Variants in CUX1 observed in about 807,000 individuals in gnomAD.
CUX1 encodes cut like homeobox 1.
In CUX1, 31 loss-of-function variants were observed where a neutral mutation model predicts 158.8. The ratio of observed to expected loss-of-function variants is 0.20; its 90% CI spans 0.15 to 0.26. The LOEUF (loss-of-function observed/expected upper bound fraction) is 0.26. CUX1 is among the 10% of genes least tolerant of loss of function. The pLI, the probability that CUX1 is intolerant of heterozygous loss-of-function variation, is 1.00. For missense variants in CUX1, 1,589 were observed against 2,014.6 expected (o/e 0.79, Z 4.04); for synonymous variants, 879 against 862.1 (o/e 1.02, Z -0.34).
intron 21 of CUX1, among the ~76,000 whole-genome samples, chr7:102,233,807 G>C (rs1323388659): frequency 6.6e-6 from 1 of 152,046 alleles, no homozygotes; most frequent in Non-Finnish European, 1.5e-5. Context: ...TAATAATAAA[G>C]AGAAATGTCA....
intron 1 of CUX1, among the ~76,000 whole-genome samples, chr7:101,872,134 ATTTG>A (rs1165058617): frequency 2.6e-5 from 4 of 151,800 alleles, no homozygotes; most frequent in African/African-American, 9.7e-5. Flanking sequence ...TATTTTATTT[ATTTG>A]TTTATTTATT....
intron 20 of CUX1, among the ~76,000 whole-genome samples, chr7:102,220,876 A>G (rs1797732833): frequency 1.3e-5 from 2 of 151,954 alleles, no homozygotes; most frequent in African/African-American, 4.8e-5. Flanking sequence ...ACACCTGGCT[A>G]ATTTTTGTAT....
At position 102,248,026 on chromosome 7, in the gene CUX1, G is replaced by C. The variant is rs538904156; in HGVS notation, c.3888-386G>C. ...GGTGACTGTAATCCCAGGTACTCTG[G>C]AGGCTGAGGCAGGAGAATCGCTTGA... is the stretch of plus-strand genomic sequence containing the variant. On this transcript the variant is annotated intron_variant, in intron 23 of 23. Transcript: ENST00000292535. The surrounding 1 kb of genome is among the most constrained non-coding windows in gnomAD (Gnocchi z 5.8). Among the ~76,000 whole-genome samples the C allele has an allele frequency of 3.9e-5, 6 of 152,318 alleles. No individual in the cohort carries two copies. The East Asian group carries it at 1.2e-3, about 29-fold the overall frequency.
chr7:101,822,001 C>A (rs1792694268), intron 1 of CUX1, among the ~76,000 whole-genome samples: 1 of 151,578 alleles, frequency 6.6e-6, no homozygotes, highest in Non-Finnish European at 1.5e-5. Context: ...ACTACAGGCG[C>A]CCGCCACCAC....
intron 9 of CUX1, among the ~76,000 whole-genome samples, chr7:102,166,126 G>T (rs1024660995): frequency 6.6e-6 from 1 of 152,158 alleles, no homozygotes; most frequent in Non-Finnish European, 1.5e-5. Context: ...GGACACCATC[G>T]CCAGGTGATG....
chr7:101,973,445 T>G (rs1812242232), intron 2 of CUX1, among the ~76,000 whole-genome samples: 1 of 152,214 alleles, frequency 6.6e-6, no homozygotes, highest in Admixed American at 6.5e-5. Context: ...GACAGGGGAA[T>G]TGGAGACTGG....
intron 8 of CUX1, among the ~76,000 whole-genome samples, chr7:102,131,678 AT>A (rs879948321): frequency 0.018 from 1,646 of 93,258 alleles, 6 homozygotes; most frequent in Middle Eastern, 0.038. Context: ...TTATTTATTT[AT>A]TTTTTTTTTT....
At chr7:102,133,777 G>A (rs190808646) in intron 8 of CUX1, among the ~76,000 whole-genome samples, 54 of 151,270 alleles carry the variant, frequency 3.6e-4, no homozygotes, top group African/African-American at 1.1e-3. Flanking sequence ...ACTCGGCCTA[G>A]AAAATACATC....
intron 16 of CUX1, 89 bp from the exon 17 acceptor site, chr7:102,199,982 G>A (rs1181801378): frequency 2.7e-6 from 3 of 1,104,834 alleles, no homozygotes; most frequent in Non-Finnish European, 3.9e-6. Flanking sequence ...CCCCCACCCG[G>A]GGCTATATAT....
Position 102,256,852 on chromosome 7 carries a change from C to G in CUX1, c.*7810C>G, listed in dbSNP as rs1348714017. 6.1e-6 allele frequency: 6 copies of G among 985,300 alleles called. No individual in the cohort carries two copies. Among genetic ancestry groups the G allele is most frequent in the Middle Eastern group, 5.2e-4 (1 of 1,936 alleles). The allele number at this position is 985,300 out of a possible 1,614,324, so 61.0% of individuals were successfully genotyped here. A position where few individuals can be genotyped will look rare whatever the true frequency, so the allele number is the denominator to read the frequency against. ...CTTGCAAGGCCCGCATGGGTTGATA[C>G]GTTTTGGTTGGTTTTTTGTTGTTGT... On this transcript the variant is annotated 3_prime_UTR_variant, in exon 24 of 24. Coordinates refer to ENST00000292535, the MANE Select transcript of CUX1 (RefSeq NM_181552.4).
In CUX1 at chr7:102,248,902, T is replaced by A; in HGVS notation, c.4378T>A (p.Phe1460Ile). The A allele has an allele frequency of 1.4e-6, 2 of 1,429,942 alleles. No homozygotes were observed. Among genetic ancestry groups the A allele is most frequent in the Non-Finnish European group, 1.8e-6 (2 of 1,085,964 alleles). 88.6% of individuals were successfully genotyped at this position (1,429,942 alleles called of 1,614,324 possible). Residue 1460 changes from phenylalanine (F) to isoleucine (I), a missense_variant, in exon 24 of 24, where the codon TTC becomes ATC. Phe to Ile is a conservative substitution (Grantham distance 21). This residue lies in a region of CUX1 where 344 missense variants were observed against 323.7 expected (regional missense o/e 1.06). Coordinates refer to ENST00000292535, the MANE Select transcript of CUX1 (RefSeq NM_181552.4). The surrounding 1 kb of genome is among the most constrained non-coding windows in gnomAD (Gnocchi z 5.8). The stretch of plus-strand genomic sequence containing the variant: ...CAGGCCCAGCTCGCTGCAGAGCCTT[T>A]TCGGCCTCCCCGAGGCCGCGGGCGC... ...PRRPSSLQSLFGLPEAAGARD... is the reference protein window; with the variant it reads ...PRRPSSLQSLIGLPEAAGARD...
intron 3 of CUX1, among the ~76,000 whole-genome samples, chr7:102,048,502 G>A (rs77001574): frequency 0.011 from 1,608 of 152,130 alleles, 32 homozygotes; most frequent in African/African-American, 0.037. Flanking sequence ...TCACACACAC[G>A]TAAGGGCACA....
At chr7:101,953,564 C>G (rs980600480) in intron 2 of CUX1, among the ~76,000 whole-genome samples, 14 of 152,184 alleles carry the variant, frequency 9.2e-5, no homozygotes, top group African/African-American at 3.4e-4. Context: ...AGAGTGGCCT[C>G]TCCATCTTCA....
chr7:101,852,390 G>A (rs182838768), intron 1 of CUX1, among the ~76,000 whole-genome samples: 2 of 151,966 alleles, frequency 1.3e-5, no homozygotes, highest in African/African-American at 4.8e-5. Context: ...GGCCAAGGTG[G>A]GCTGATTGCT....
In CUX1 at chr7:102,169,727, A is replaced by G. The variant is rs559276322; in HGVS notation, c.724-719A>G. 2.0e-4 allele frequency among the ~76,000 whole-genome samples: 31 copies of G among 152,272 alleles called. No individual in the cohort carries two copies. In the South Asian group the frequency reaches 6.4e-3, roughly 32 times the overall value. ...CCTCGTCATCCAGTGGGAAATCCCCATCTGCTCTCTGGGGGTGGTTGTTTC... is the reference window on the plus strand; with the variant it reads ...CCTCGTCATCCAGTGGGAAATCCCCGTCTGCTCTCTGGGGGTGGTTGTTTC... On this transcript the variant is annotated intron_variant, in intron 9 of 23. Coordinates refer to ENST00000292535, the MANE Select transcript of CUX1 (RefSeq NM_181552.4).
chr7:102,000,281 T>C (rs1816531449), intron 2 of CUX1, among the ~76,000 whole-genome samples: 1 of 151,760 alleles, frequency 6.6e-6, no homozygotes. Flanking sequence ...CTGCCCTGCA[T>C]TGAGACACAT....
intron 3 of CUX1, among the ~76,000 whole-genome samples, chr7:102,031,519 A>G (rs1455526469): frequency 6.6e-6 from 1 of 151,170 alleles, no homozygotes; most frequent in African/African-American, 2.4e-5. Flanking sequence ...CCATTTGCCT[A>G]TTTTTTTTTA....
intron 2 of CUX1, chr7:101,961,194 C>G (rs770533390): frequency 2.0e-5 from 3 of 152,096 alleles, no homozygotes; most frequent in African/African-American, 7.2e-5. Flanking sequence ...AGCCACTCAC[C>G]GGGAGAGAGA....
chr7:101,967,128 C>T (rs573015232), intron 2 of CUX1, among the ~76,000 whole-genome samples: 35 of 152,180 alleles, frequency 2.3e-4, no homozygotes, highest in African/African-American at 7.2e-4. Context: ...ATTCTCTTGC[C>T]TCAGCCTCCT....
Sources: gnomAD v4.1 joint callset for allele counts (sites outside exome capture counted in the v4.1 genomes callset) on GRCh38, gnomAD v4.1.1 for gene constraint, gnomAD v4.1.1 regional missense constraint, Gnocchi (gnomAD v3.1) non-coding constraint, MANE v1.5 for transcripts, NCBI Gene and HGNC (gene_info 2026-07-23, HGNC 2026-07-21) for gene names.